FHIT: variants seen among roughly 807,000 people sequenced by gnomAD.
FHIT encodes bis(5'-adenosyl)-triphosphatase.
In FHIT, 19 loss-of-function variants were observed where a neutral mutation model predicts 17.9. The ratio of observed to expected loss-of-function variants is 1.06; its 90% confidence interval spans 0.74 to 1.56. The LOEUF (loss-of-function observed/expected upper bound fraction) is 1.56, where lower values mean the gene tolerates loss of function less well. Ranked by LOEUF, FHIT falls within the 40% of genes most tolerant of loss-of-function variation. The pLI, the probability that FHIT is intolerant of heterozygous loss-of-function variation, is 0.00. For synonymous variants in FHIT, 81 were observed against 69.7 expected, an observed-to-expected ratio of 1.16 and a Z score of -0.81; for missense variants, 248 against 189.2, an observed-to-expected ratio of 1.31 and a Z score of -1.82.
In FHIT at chr3:60,305,863, C is replaced by T. The variant is rs76438431; in HGVS notation, c.103+230997G>A. The stretch of plus-strand genomic sequence containing the variant: ...GTGCTATTTAATGGTTTGGTGATAA[C>T]GCACAGTTTTATGAAGACGGTTTTT... On this transcript the variant is annotated intron_variant, in intron 5 of 9. Coordinates refer to ENST00000492590, the MANE Select transcript of FHIT (RefSeq NM_002012.4). Among the ~76,000 whole-genome samples, 1,103 of 152,120 alleles carry T rather than the reference C, an allele frequency of 7.3e-3. 13 individuals carry two copies. The highest frequency in any genetic ancestry group is 0.025 in the African/African-American group (1,022 of 41,510).
At chr3:60,684,480 A>C (rs1312093213) in intron 4 of FHIT, among the ~76,000 whole-genome samples, 2 of 152,032 alleles carry the variant, frequency 1.3e-5, no homozygotes, top group Non-Finnish European at 2.9e-5. Context: ...TCCAGAGTTC[A>C]TGTTCTTTCC....
chr3:59,783,742 A>G (rs761468556), intron 8 of FHIT, among the ~76,000 whole-genome samples: 4 of 152,028 alleles, frequency 2.6e-5, no homozygotes, highest in Non-Finnish European at 5.9e-5. Context: ...AAACATCTCC[A>G]CACGTTGCCA....
intron 5 of FHIT, among the ~76,000 whole-genome samples, chr3:60,289,673 A>G (rs1418545843): frequency 6.6e-6 from 1 of 152,198 alleles, no homozygotes; most frequent in Non-Finnish European, 1.5e-5. Flanking sequence ...CCTGAAGCTG[A>G]CTTGAAAGTC....
chr3:60,070,355 T>C (rs777669972), intron 5 of FHIT, among the ~76,000 whole-genome samples: 2 of 152,210 alleles, frequency 1.3e-5, no homozygotes, highest in Non-Finnish European at 1.5e-5. Flanking sequence ...TGGTGCCCAA[T>C]AAGGAGCTGC....
chr3:60,025,308 T>C (rs1369203870), intron 5 of FHIT, among the ~76,000 whole-genome samples: 1 of 152,196 alleles, frequency 6.6e-6, no homozygotes, highest in Non-Finnish European at 1.5e-5. Flanking sequence ...CGCACACACA[T>C]TGTTTTCCTC....
At chr3:59,924,944 G>A (rs1355781105) in intron 7 of FHIT, among the ~76,000 whole-genome samples, 4 of 152,148 alleles carry the variant, frequency 2.6e-5, no homozygotes, top group Non-Finnish European at 5.9e-5. Flanking sequence ...TGCCAGTGTG[G>A]GCACGGAGGT....
chr3:60,549,314 TAATAGA>T (rs1190767229), intron 4 of FHIT, among the ~76,000 whole-genome samples: 3 of 152,176 alleles, frequency 2.0e-5, no homozygotes, highest in African/African-American at 7.2e-5. Context: ...TCTGATTAAA[TAATAGA>T]AATAACAGCT....
intron 8 of FHIT, among the ~76,000 whole-genome samples, chr3:59,796,187 T>A (rs1204230195): frequency 6.6e-6 from 1 of 152,200 alleles, no homozygotes. Flanking sequence ...CTAGCCTGTG[T>A]CCAACACATA....
intron 8 of FHIT, among the ~76,000 whole-genome samples, chr3:59,786,136 C>G (rs149206776): frequency 2.6e-4 from 39 of 152,248 alleles, no homozygotes; most frequent in African/African-American, 8.7e-4. Flanking sequence ...CAGGTCTGGG[C>G]CACACCAAAA....
At chr3:61,054,709 C>T (rs2034153876) in intron 2 of FHIT, among the ~76,000 whole-genome samples, 1 of 152,136 alleles carries the variant, frequency 6.6e-6, no homozygotes, top group African/African-American at 2.4e-5. Flanking sequence ...ACCTCTGTGC[C>T]TAAGAGAACA....
chr3:60,431,092 G>A (rs1046305643), intron 5 of FHIT, among the ~76,000 whole-genome samples: 2 of 151,820 alleles, frequency 1.3e-5, no homozygotes, highest in African/African-American at 4.8e-5. Flanking sequence ...CGCACCTATG[G>A]TCTAAACTAC....
intron 2 of FHIT, among the ~76,000 whole-genome samples, chr3:61,082,312 T>TG (rs2035165105): frequency 6.6e-6 from 1 of 152,212 alleles, no homozygotes; most frequent in African/African-American, 2.4e-5. Flanking sequence ...TAGTTTTACA[T>TG]GGTTTGGGAT....
chr3:60,949,088 C>T (rs1378899916), intron 3 of FHIT, among the ~76,000 whole-genome samples: 6 of 152,190 alleles, frequency 3.9e-5, no homozygotes, highest in Admixed American at 2.6e-4. Flanking sequence ...GTAGAAAAAG[C>T]GTTGACACTT....
chr3:61,149,744 G>T (rs929884797), intron 2 of FHIT, among the ~76,000 whole-genome samples: 1 of 151,768 alleles, frequency 6.6e-6, no homozygotes, highest in Non-Finnish European at 1.5e-5. Context: ...GCCATATGTG[G>T]TGGTGCGCAC....
At chr3:60,049,347 G>A (rs185193894) in intron 5 of FHIT, among the ~76,000 whole-genome samples, 88 of 152,254 alleles carry the variant, frequency 5.8e-4, no homozygotes, top group Middle Eastern at 6.8e-3. Flanking sequence ...TACGGCTCAT[G>A]CAAGTGGAAA....
At chr3:60,093,039 C>A (rs1467157227) in intron 5 of FHIT, among the ~76,000 whole-genome samples, 1 of 152,138 alleles carries the variant, frequency 6.6e-6, no homozygotes, top group Non-Finnish European at 1.5e-5. Context: ...GTAACCACTG[C>A]CTCACTTACA....
rs141987612 is a variant in FHIT, at chr3:59,961,150, T to A, written c.280-38736A>T. ...TGACTAATTGGAGGATTCAAAGCTG[T>A]TAGGAACACTAGCTATTAGGGCCAT... On this transcript the variant is annotated intron_variant, in intron 7 of 9. Transcript: ENST00000492590. Among the ~76,000 whole-genome samples, 530 of 152,278 alleles carry A rather than the reference T, an allele frequency of 3.5e-3. 6 individuals are homozygous for A. Among genetic ancestry groups the A allele is most frequent in the African/African-American group, 0.012 (499 of 41,562 alleles).
intron 3 of FHIT, among the ~76,000 whole-genome samples, chr3:60,976,105 T>C (rs1350272129): frequency 4.1e-5 from 5 of 122,168 alleles, no homozygotes; most frequent in African/African-American, 1.3e-4. Context: ...TCTTTTTTTT[T>C]TTTTTTTTTT....
At chr3:60,982,336 G>A (rs906401279) in intron 3 of FHIT, among the ~76,000 whole-genome samples, 1 of 152,212 alleles carries the variant, frequency 6.6e-6, no homozygotes, top group Non-Finnish European at 1.5e-5. Context: ...TGTTTACCAT[G>A]TGAACTGTGG....
Sources: allele counts gnomAD v4.1 joint callset (sites outside exome capture counted in the v4.1 genomes callset), GRCh38; gene constraint gnomAD v4.1.1; transcripts MANE v1.5; gene names NCBI Gene and HGNC (gene_info 2026-07-23, HGNC 2026-07-21).